The following PCDH15 variants were observed in gnomAD, a reference collection of about 807,000 sequenced individuals.
The protein encoded by PCDH15 is protocadherin related 15.
PCDH15 carries 129 observed loss-of-function variants against 178.5 expected under a neutral mutation model. The observed-to-expected ratio is 0.72, with a 90% CI of 0.63 to 0.84. The LOEUF (loss-of-function observed/expected upper bound fraction) is 0.84, where lower values mean the gene tolerates loss of function less well. PCDH15 is among the 40% of genes least tolerant of loss of function. The pLI, the probability that PCDH15 is intolerant of heterozygous loss-of-function variation, is 0.00. For missense variants in PCDH15, 2,230 were observed against 2,099.9 expected, an observed-to-expected ratio of 1.06 and a Z score of -1.21; for synonymous variants, 800 against 732.0, an observed-to-expected ratio of 1.09 and a Z score of -1.50.
intron 2 of PCDH15, among the ~76,000 whole-genome samples, chr10:54,972,454 C>T (rs1156929567): frequency 1.3e-5 from 2 of 151,978 alleles, no homozygotes; most frequent in Admixed American, 6.6e-5. Context: ...GCAGGAGAAT[C>T]GCTTGAACCT....
At chr10:55,057,218 G>C (rs186932326) in intron 2 of PCDH15, among the ~76,000 whole-genome samples, 19 of 151,982 alleles carry the variant, frequency 1.3e-4, no homozygotes, top group Admixed American at 5.9e-4. Context: ...TTATCATTTG[G>C]TCTTTAATCT....
chr10:55,427,696 T>A (rs1838790359), intron 2 of PCDH15, among the ~76,000 whole-genome samples: 1 of 152,178 alleles, frequency 6.6e-6, no homozygotes, highest in Non-Finnish European at 1.5e-5. Context: ...AAATGTTTAG[T>A]TTGCCATTTT....
intron 2 of PCDH15, among the ~76,000 whole-genome samples, chr10:55,334,242 A>ATATATATATT (rs1291195941): frequency 1.4e-5 from 1 of 72,144 alleles, no homozygotes; most frequent in Non-Finnish European, 2.2e-5. Flanking sequence ...ATATATATAT[A>ATATATATATT]TGTGTGTGTG....
chr10:54,858,939 C>T (rs1194042698), intron 3 of PCDH15, among the ~76,000 whole-genome samples: 1 of 151,844 alleles, frequency 6.6e-6, no homozygotes, highest in Non-Finnish European at 1.5e-5. Flanking sequence ...GATATAATTC[C>T]TTTTTATAGA....
At chr10:55,263,356 C>G (rs893229561) in intron 1 of PCDH15, among the ~76,000 whole-genome samples, 2 of 152,186 alleles carry the variant, frequency 1.3e-5, no homozygotes, top group African/African-American at 4.8e-5. Flanking sequence ...GAGCATTTCG[C>G]TCAGCAGCCA....
chr10:55,198,688 G>A (rs1591983610), intron 1 of PCDH15, among the ~76,000 whole-genome samples: 1 of 151,280 alleles, frequency 6.6e-6, no homozygotes, highest in South Asian at 2.1e-4. Flanking sequence ...GTAGAGATGG[G>A]GTTTCACCGT....
chr10:55,396,457 T>C (rs1837931061), intron 2 of PCDH15, among the ~76,000 whole-genome samples: 1 of 152,222 alleles, frequency 6.6e-6, no homozygotes, highest in African/African-American at 2.4e-5. Flanking sequence ...GTCCTTAAAA[T>C]ACAGCTTAAG....
intron 2 of PCDH15, among the ~76,000 whole-genome samples, chr10:54,644,445 C>A (rs7905280): frequency 0.36 from 55,207 of 151,446 alleles, 11,131 homozygotes; most frequent in African/African-American, 0.53. Context: ...GAATCTTTAA[C>A]TTGCAACATG....
intron 2 of PCDH15, among the ~76,000 whole-genome samples, chr10:55,100,104 A>G (rs147694404): frequency 6.6e-6 from 1 of 152,242 alleles, no homozygotes; most frequent in East Asian, 1.9e-4. Context: ...AGAAAATACA[A>G]TGATAAATAA....
At chr10:54,058,117 A>G (rs1335333580) in intron 18 of PCDH15, among the ~76,000 whole-genome samples, 1 of 151,998 alleles carries the variant, frequency 6.6e-6, no homozygotes, top group Non-Finnish European at 1.5e-5. Flanking sequence ...GGAAGTACCA[A>G]ACTTTCCCAC....
At chr10:54,468,499 T>C (rs2077679384) in intron 3 of PCDH15, among the ~76,000 whole-genome samples, 1 of 152,096 alleles carries the variant, frequency 6.6e-6, no homozygotes, top group Non-Finnish European at 1.5e-5. Flanking sequence ...TATTCCACTG[T>C]GTTCTGAGAA....
intron 3 of PCDH15, among the ~76,000 whole-genome samples, chr10:54,822,750 G>T (rs778201433): frequency 6.6e-6 from 1 of 151,490 alleles, no homozygotes; most frequent in Non-Finnish European, 1.5e-5. Flanking sequence ...ACATTCCTGC[G>T]AACAGGAATA....
chr10:54,182,948 G>A (rs2048131671), intron 13 of PCDH15, among the ~76,000 whole-genome samples: 1 of 151,352 alleles, frequency 6.6e-6, no homozygotes. Flanking sequence ...AGTCCATATA[G>A]ATATGCTTTT....
Position 55,076,268 on chromosome 10 carries a change from A to G in PCDH15, c.-80+90308T>C, listed in dbSNP as rs550344906. Among the ~76,000 whole-genome samples the G allele has an allele frequency of 2.0e-5, 3 of 152,288 alleles. No homozygotes were observed. The South Asian group carries it at 6.2e-4, about 32-fold the overall frequency. On this transcript the variant is annotated intron_variant, in intron 2 of 5. Coordinates refer to the PCDH15 transcript ENST00000458638. ...GTTCATTTGCTCTAAAGTCCAATTT[A>G]AGTCCAATGTTTCTTTATTGGTTTA... is the stretch of plus-strand genomic sequence containing the variant.
At chr10:55,531,588 A>G (rs961838738) in intron 2 of PCDH15, among the ~76,000 whole-genome samples, 6 of 152,000 alleles carry the variant, frequency 3.9e-5, no homozygotes, top group African/African-American at 1.4e-4. Context: ...TTACAACTCA[A>G]ACTTGACCTT....
chr10:55,069,123 C>T (rs1009862224), intron 2 of PCDH15, among the ~76,000 whole-genome samples: 8 of 149,878 alleles, frequency 5.3e-5, no homozygotes, highest in African/African-American at 2.0e-4. Flanking sequence ...CCAAGCTGGT[C>T]TCGAACTCCT....
intron 2 of PCDH15, among the ~76,000 whole-genome samples, chr10:55,012,589 T>C (rs2131944630): frequency 6.6e-6 from 1 of 152,232 alleles, no homozygotes. Flanking sequence ...ATTTCTAAAT[T>C]CAATGGTGCT....
At chr10:54,738,084 T>C (rs1340015447) in intron 1 of PCDH15, among the ~76,000 whole-genome samples, 1 of 152,038 alleles carries the variant, frequency 6.6e-6, no homozygotes, top group African/African-American at 2.4e-5. Context: ...CTCTTTGACT[T>C]GAGCCACATG....
At chr10:54,867,432 T>C (rs1953960685) in intron 3 of PCDH15, among the ~76,000 whole-genome samples, 5 of 152,190 alleles carry the variant, frequency 3.3e-5, no homozygotes, top group Non-Finnish European at 7.4e-5. Flanking sequence ...TTTTCTGTTC[T>C]ATATTTCACA....
Sources: gnomAD v4.1 joint callset for allele counts (sites outside exome capture counted in the v4.1 genomes callset) on GRCh38, gnomAD v4.1.1 for gene constraint, MANE v1.5 for transcripts, NCBI Gene and HGNC (gene_info 2026-07-23, HGNC 2026-07-21) for gene names.